The following PPM1H variants were observed in gnomAD, a reference collection of about 807,000 sequenced individuals.
PPM1H encodes the protein protein phosphatase, Mg2+/Mn2+ dependent 1H.
PPM1H carries 27 observed loss-of-function variants against 54.9 expected under a neutral mutation model. The ratio of observed to expected loss-of-function variants is 0.49; its 90% CI spans 0.36 to 0.68. The LOEUF is 0.68. Ranked by LOEUF, PPM1H falls within the 30% of genes least tolerant of loss-of-function variation. PPM1H has a pLI of 0.00. For synonymous variants in PPM1H, 305 were observed against 270.8 expected, an observed-to-expected ratio of 1.13 and a Z score of -1.24; for missense variants, 596 against 667.8, an observed-to-expected ratio of 0.89 and a Z score of 1.19.
chr12:62,869,594 A>T (rs1157447853), intron 1 of PPM1H, among the ~76,000 whole-genome samples: 1 of 152,180 alleles, frequency 6.6e-6, no homozygotes, highest in Non-Finnish European at 1.5e-5. Flanking sequence ...CCACTACCAC[A>T]TAAAAGATCT....
intron 1 of PPM1H, among the ~76,000 whole-genome samples, chr12:62,884,498 TATC>T (rs1870511101): frequency 7.6e-5 from 2 of 26,180 alleles, no homozygotes; most frequent in African/African-American, 5.7e-4. Flanking sequence ...TGAAACTCCA[TATC>T]AAAAAAAAAA....
At chr12:62,650,332 A>G (rs1424828340) in intron 9 of PPM1H, among the ~76,000 whole-genome samples, 2 of 151,784 alleles carry the variant, frequency 1.3e-5, no homozygotes, top group African/African-American at 4.8e-5. Context: ...TAGTAGGTGA[A>G]TAATTTTTTC....
chr12:62,934,790 C>G lies in PPM1H; in HGVS notation c.-54G>C. 1.4e-6 allele frequency: 2 copies of G among 1,424,542 alleles called. No individual in the cohort carries two copies. The highest frequency in any genetic ancestry group is 1.8e-6 in the Non-Finnish European group (2 of 1,086,570). The allele number at this position is 1,424,542 out of a possible 1,614,324, so 88.2% of individuals were successfully genotyped here. On this transcript the variant is annotated 5_prime_UTR_variant, in exon 1 of 10. Coordinates refer to ENST00000228705, the MANE Select transcript of PPM1H (RefSeq NM_020700.2). This position sits in a 1 kb window ranked among gnomAD's most constrained non-coding sequence, Gnocchi z 4.2. ...CGAGCAGGAGGCGGCGGGGGCCGGGCAAGGCGCAGCGCGGGGCATGCAGGC... is the reference window on the plus strand; with the variant it reads ...CGAGCAGGAGGCGGCGGGGGCCGGGGAAGGCGCAGCGCGGGGCATGCAGGC...
At chr12:62,683,008 ATAC>A (rs34354269) in intron 8 of PPM1H, among the ~76,000 whole-genome samples, 18,891 of 147,996 alleles carry the variant, frequency 0.13, 1,396 homozygotes, top group African/African-American at 0.19. Context: ...TTATTTATAG[ATAC>A]TACATTTGGG....
intron 1 of PPM1H, among the ~76,000 whole-genome samples, chr12:62,851,723 C>T (rs1869194126): frequency 6.6e-6 from 1 of 151,648 alleles, no homozygotes; most frequent in African/African-American, 2.4e-5. Flanking sequence ...AACAAACAAA[C>T]AAAAAACTAA....
chr12:62,673,483 C>T (rs1192538187), intron 8 of PPM1H, among the ~76,000 whole-genome samples: 1 of 152,148 alleles, frequency 6.6e-6, no homozygotes, highest in Non-Finnish European at 1.5e-5. Flanking sequence ...ATCAATTCTT[C>T]CATTTGCCAA....
intron 9 of PPM1H, among the ~76,000 whole-genome samples, chr12:62,655,184 C>T (rs1255027159): frequency 2.0e-5 from 3 of 152,198 alleles, no homozygotes; most frequent in Non-Finnish European, 4.4e-5. Flanking sequence ...GATTCATTAA[C>T]TCAACACAAC....
intron 2 of PPM1H, among the ~76,000 whole-genome samples, chr12:62,810,639 T>A (rs2076829744): frequency 6.6e-6 from 1 of 152,250 alleles, no homozygotes; most frequent in Non-Finnish European, 1.5e-5. Context: ...CAATTTTAGT[T>A]ATTTTAAATG....
intron 1 of PPM1H, among the ~76,000 whole-genome samples, chr12:62,929,309 A>G (rs1036173964): frequency 1.3e-5 from 2 of 152,194 alleles, no homozygotes; most frequent in Non-Finnish European, 2.9e-5. Flanking sequence ...GAGAGAAATA[A>G]TGGAAGCAGA....
chr12:62,749,807 A>G (rs531214200), intron 4 of PPM1H, among the ~76,000 whole-genome samples: 3 of 152,388 alleles, frequency 2.0e-5, no homozygotes, highest in African/African-American at 7.2e-5. Flanking sequence ...TTTAAGTAGC[A>G]GCAAAAATAA....
At chr12:62,789,488 A>G (rs1241303136) in intron 3 of PPM1H, among the ~76,000 whole-genome samples, 1 of 152,238 alleles carries the variant, frequency 6.6e-6, no homozygotes, top group East Asian at 1.9e-4. Context: ...AATGACTTAA[A>G]TGACTTCAAA....
chr12:62,849,480 G>C (rs948555640), intron 1 of PPM1H, among the ~76,000 whole-genome samples: 1 of 152,118 alleles, frequency 6.6e-6, no homozygotes, highest in Non-Finnish European at 1.5e-5. Flanking sequence ...TGATTCCAAA[G>C]CCTATTCACC....
At chr12:62,871,216 A>C (rs1328657724) in intron 1 of PPM1H, among the ~76,000 whole-genome samples, 1 of 152,232 alleles carries the variant, frequency 6.6e-6, no homozygotes, top group Non-Finnish European at 1.5e-5. Flanking sequence ...AGCCATAAAA[A>C]GGAAGTACAG....
At chr12:62,927,750 G>A (rs1337857406) in intron 1 of PPM1H, among the ~76,000 whole-genome samples, 1 of 151,624 alleles carries the variant, frequency 6.6e-6, no homozygotes, top group Non-Finnish European at 1.5e-5. Context: ...AAGGAGACAT[G>A]TTATAAGACA....
chr12:62,919,268 C>T (rs752000655), intron 1 of PPM1H, among the ~76,000 whole-genome samples: 16 of 152,314 alleles, frequency 1.1e-4, no homozygotes, highest in Middle Eastern at 6.8e-3. Context: ...ACTTCTGAAA[C>T]CCAAACAAAA....
intron 1 of PPM1H, among the ~76,000 whole-genome samples, chr12:62,847,830 T>C (rs1321509782): frequency 6.6e-6 from 1 of 152,024 alleles, no homozygotes; most frequent in Non-Finnish European, 1.5e-5. Flanking sequence ...TGTTCAGAAA[T>C]CTAGCAACTG....
At chr12:62,720,336 G>T (rs1380248501) in intron 5 of PPM1H, 47 bp from the exon 6 acceptor site, 26 of 1,394,304 alleles carry the variant, frequency 1.9e-5, no homozygotes, top group Non-Finnish European at 2.4e-5. Context: ...CACGTATTTA[G>T]AGAAACAAAA....
At chr12:62,848,343 C>A (rs964067076) in intron 1 of PPM1H, among the ~76,000 whole-genome samples, 2 of 152,140 alleles carry the variant, frequency 1.3e-5, no homozygotes, top group Non-Finnish European at 1.5e-5. Flanking sequence ...AAAACCAACA[C>A]CAAATCACCG....
At chr12:62,820,205 C>T (rs972927702) in intron 2 of PPM1H, among the ~76,000 whole-genome samples, 24 of 152,350 alleles carry the variant, frequency 1.6e-4, no homozygotes, top group African/African-American at 5.5e-4. Context: ...GGGGGAGAGG[C>T]GTCTGCCACT....
Sources: allele counts gnomAD v4.1 joint callset (sites outside exome capture counted in the v4.1 genomes callset), GRCh38; gene constraint gnomAD v4.1.1; non-coding constraint Gnocchi (gnomAD v3.1); transcripts MANE v1.5; gene names NCBI Gene and HGNC (gene_info 2026-07-23, HGNC 2026-07-21).